The following WWP2 variants were observed in gnomAD, a reference collection of about 807,000 sequenced individuals.
WWP2 encodes the protein WW domain containing E3 ubiquitin protein ligase 2.
WWP2 carries 57 observed loss-of-function variants against 121.0 expected under a neutral mutation model. The ratio of observed to expected loss-of-function variants is 0.47; its 90% confidence interval spans 0.38 to 0.59. The LOEUF (loss-of-function observed/expected upper bound fraction) is 0.59. Ranked by LOEUF, WWP2 falls within the 20% of genes least tolerant of loss-of-function variation. The pLI, the probability that WWP2 is intolerant of heterozygous loss-of-function variation, is 0.00. For synonymous variants in WWP2, 449 were observed against 441.3 expected (o/e 1.02, Z -0.22); for missense variants, 962 against 1,158.9 (o/e 0.83, Z 2.47).
chr16:69,933,848 C>G lies in WWP2; in HGVS notation c.1683-122C>G, dbSNP rs565076081. The G allele has an allele frequency of 3.4e-6, 4 of 1,181,540 alleles. No homozygotes were observed. In the Admixed American group the frequency reaches 6.3e-5, roughly 19 times the overall value. 73.2% of individuals were successfully genotyped at this position (1,181,540 alleles called of 1,614,324 possible). ...TAGCCCGGGTGCTTGTCACAGGGCT[C>G]GACTCCCTGGGACACGTGTCCCCAT... On this transcript the variant is annotated intron_variant, in intron 16 of 23. Coordinates refer to ENST00000359154, the MANE Select transcript of WWP2 (RefSeq NM_001270454.2).
At position 69,925,556 on chromosome 16, in the gene WWP2, G is replaced by A; in HGVS notation, c.1234+72G>A. The A allele has an allele frequency of 6.4e-7, 1 of 1,566,896 alleles. No homozygotes were observed. The highest frequency in any genetic ancestry group is 8.7e-7 in the Non-Finnish European group (1 of 1,149,824). On this transcript the variant is annotated intron_variant, in intron 11 of 23. Transcript: ENST00000359154. The surrounding 1 kb of genome is among the most constrained non-coding windows in gnomAD (Gnocchi z 4.0). ...GGTGCTCTGTCCTCTCCTCCCGCGT[G>A]TCTTCCTTCCCTGTTCCTGTCCCTC...
intron 1 of WWP2, among the ~76,000 whole-genome samples, chr16:69,786,434 C>T (rs1318870221): frequency 1.4e-5 from 2 of 147,920 alleles, no homozygotes; most frequent in African/African-American, 5.1e-5. Flanking sequence ...CCACTGCGCC[C>T]AGCCAATCTT....
chr16:69,874,664 G>A (rs1207040027), intron 7 of WWP2, among the ~76,000 whole-genome samples: 1 of 152,108 alleles, frequency 6.6e-6, no homozygotes, highest in Non-Finnish European at 1.5e-5. Flanking sequence ...CCTTCATTGA[G>A]ACTTGTATGG....
In WWP2 at chr16:69,925,167, C is replaced by T; in HGVS notation, c.1180-263C>T. The T allele has an allele frequency of 1.6e-6, 2 of 1,266,878 alleles. No homozygotes were observed. Among genetic ancestry groups the T allele is most frequent in the Non-Finnish European group, 2.0e-6 (2 of 1,001,866 alleles). The allele number at this position is 1,266,878 out of a possible 1,614,324, so 78.5% of individuals were successfully genotyped here. On this transcript the variant is annotated intron_variant, in intron 10 of 23. Coordinates refer to ENST00000359154, the MANE Select transcript of WWP2 (RefSeq NM_001270454.2). The surrounding 1 kb of genome is among the most constrained non-coding windows in gnomAD (Gnocchi z 4.0). ...CTGGCACACCTTCACCCGCGTACCG[C>T]CTCCTCCCCGTCGCTCTGCCTTTTC...
At chr16:69,798,895 G>T in intron 3 of WWP2, 66 bp downstream of exon 3, 3 of 1,584,228 alleles carry the variant, frequency 1.9e-6, no homozygotes, top group African/African-American at 1.4e-5. Flanking sequence ...CTCCGAGGGG[G>T]TTGTGGGAGG....
At chr16:69,877,535 T>C (rs1283964642) in intron 7 of WWP2, among the ~76,000 whole-genome samples, 3 of 152,236 alleles carry the variant, frequency 2.0e-5, no homozygotes, top group African/African-American at 4.8e-5. Flanking sequence ...GTAGCACTTT[T>C]AATTTCCTTC....
intron 4 of WWP2, among the ~76,000 whole-genome samples, chr16:69,805,949 C>G (rs910288173): frequency 6.6e-6 from 1 of 151,856 alleles, no homozygotes; most frequent in Non-Finnish European, 1.5e-5. Flanking sequence ...GTAATCTCAG[C>G]ACTTTGAGAG....
intron 8 of WWP2, among the ~76,000 whole-genome samples, chr16:69,893,324 C>G (rs2058058710): frequency 6.6e-6 from 1 of 152,214 alleles, no homozygotes; most frequent in Non-Finnish European, 1.5e-5. Flanking sequence ...AGTAGGCTCC[C>G]AAGACATGTT....
intron 4 of WWP2, among the ~76,000 whole-genome samples, chr16:69,818,324 C>T (rs536652483): frequency 5.9e-5 from 9 of 152,186 alleles, no homozygotes; most frequent in African/African-American, 1.4e-4. Context: ...TCTCCTGCCT[C>T]AGCCTCCCAA....
chr16:69,785,155 C>A (rs1313762498), intron 1 of WWP2, among the ~76,000 whole-genome samples: 1 of 150,350 alleles, frequency 6.7e-6, no homozygotes. Flanking sequence ...ATCACTTCAA[C>A]TTGGGAGGTG....
At chr16:69,916,477 A>G (rs2058481133) in intron 9 of WWP2, among the ~76,000 whole-genome samples, 2 of 152,124 alleles carry the variant, frequency 1.3e-5, no homozygotes, top group Admixed American at 6.6e-5. Context: ...GGTTACTCTG[A>G]TGGCTATTTG....
At chr16:69,805,671 C>A (rs1012260219) in intron 4 of WWP2, among the ~76,000 whole-genome samples, 3 of 151,744 alleles carry the variant, frequency 2.0e-5, no homozygotes, top group Admixed American at 1.3e-4. Flanking sequence ...AGTGCAGTGG[C>A]ATGATTACCA....
chr16:69,896,747 CACTA>C (rs1329194931), intron 8 of WWP2, among the ~76,000 whole-genome samples: 1 of 147,434 alleles, frequency 6.8e-6, no homozygotes, highest in Non-Finnish European at 1.5e-5. Context: ...TTTTTTTAAA[CACTA>C]ACTACAGCTA....
chr16:69,767,851 C>T (rs924023181), intron 1 of WWP2, among the ~76,000 whole-genome samples: 7 of 152,054 alleles, frequency 4.6e-5, no homozygotes, highest in Non-Finnish European at 8.8e-5. Context: ...ATTTGTTTTG[C>T]TTTTGAGACA....
At position 69,937,091 on chromosome 16, in the gene WWP2, C is replaced by T; in HGVS notation, c.2118-27C>T. The T allele has an allele frequency of 6.2e-7, 1 of 1,611,914 alleles. No homozygotes were observed. The highest frequency in any genetic ancestry group is 1.1e-5 in the South Asian group (1 of 90,844). ...ACCCCTGAGCAGTGGGTCTCAGACT[C>T]CACCCATGGCTGCTCTTTGGTCTCA... On this transcript the variant is annotated intron_variant, in intron 19 of 23. Transcript: ENST00000359154. The surrounding 1 kb of genome is among the most constrained non-coding windows in gnomAD (Gnocchi z 6.6).
intron 7 of WWP2, among the ~76,000 whole-genome samples, chr16:69,876,370 G>A (rs574960292): frequency 4.5e-5 from 6 of 134,444 alleles, no homozygotes; most frequent in Admixed American, 7.5e-5. Context: ...TTTTTTTTTC[G>A]TTTTTTGTTT....
intron 13 of WWP2, 131 bp from the exon 14 acceptor site, chr16:69,931,021 C>A: frequency 2.5e-6 from 2 of 802,266 alleles, no homozygotes; most frequent in Non-Finnish European, 4.1e-6. Flanking sequence ...ATCTTAATGA[C>A]AGTCACTTCC....
chr16:69,931,751 C>A lies in WWP2; in HGVS notation c.1594-51C>A, dbSNP rs773442574. The A allele has an allele frequency of 3.7e-6, 6 of 1,600,258 alleles. No homozygotes were observed. In the African/African-American group the frequency reaches 8.0e-5, roughly 21 times the overall value. ...GAGTCCCCTGTCCCTCCCGCCCCTG[C>A]CTGCTGTGGAAGGGAGAGTGGCAGG... On this transcript the variant is annotated intron_variant, in intron 15 of 23. Coordinates refer to ENST00000359154, the MANE Select transcript of WWP2 (RefSeq NM_001270454.2).
At position 69,931,563 on chromosome 16, in the gene WWP2, G is replaced by A. The variant is rs913146723; in HGVS notation, c.1576G>A (p.Glu526Lys). The A allele has an allele frequency of 1.9e-6, 3 of 1,613,350 alleles. No homozygotes were observed. The highest frequency in any genetic ancestry group is 1.7e-5 in the Admixed American group (1 of 59,940). The change falls in exon 15 of 24, where the codon GAA (glutamate) becomes AAA (lysine). Residue 526 changes from glutamate to lysine, a missense_variant. Glu to Lys is a moderately conservative substitution (Grantham distance 56). Coordinates refer to ENST00000359154, the MANE Select transcript of WWP2 (RefSeq NM_001270454.2). ...KISVSRQTLF[E>K]DSFQQIMNMK... is the part of the protein sequence containing the mutation. ...CAGCGTTTCCAGGCAGACGCTTTTC[G>A]AAGATTCCTTCCAACAGGTTAGATC...
Sources: gnomAD v4.1 joint callset for allele counts (sites outside exome capture counted in the v4.1 genomes callset) on GRCh38, gnomAD v4.1.1 for gene constraint, Gnocchi (gnomAD v3.1) non-coding constraint, MANE v1.5 for transcripts, NCBI Gene and HGNC (gene_info 2026-07-23, HGNC 2026-07-21) for gene names.